KIF16B: variants seen among roughly 807,000 people sequenced by gnomAD.
KIF16B encodes the protein kinesin-like protein KIF16B.
KIF16B carries 98 observed loss-of-function variants against 156.3 expected under a neutral mutation model. The ratio of observed to expected loss-of-function variants is 0.63; its 90% CI spans 0.53 to 0.74. The LOEUF (loss-of-function observed/expected upper bound fraction) is 0.74, where lower values mean the gene tolerates loss of function less well. KIF16B is among the 30% of genes least tolerant of loss of function. The pLI is 0.00. For missense variants in KIF16B, 1,421 were observed against 1,606.5 expected (o/e 0.88, Z 1.97); for synonymous variants, 564 against 583.7 (o/e 0.97, Z 0.49).
intron 1 of KIF16B, among the ~76,000 whole-genome samples, chr20:16,558,494 A>C (rs1433030629): frequency 1.3e-5 from 2 of 152,358 alleles, no homozygotes; most frequent in South Asian, 4.1e-4. Context: ...CCAGAGGTAT[A>C]AAAGAGGCTC....
intron 24 of KIF16B, among the ~76,000 whole-genome samples, chr20:16,313,738 T>A (rs868727628): frequency 6.6e-6 from 1 of 152,232 alleles, no homozygotes; most frequent in Non-Finnish European, 1.5e-5. Flanking sequence ...GTTTGTGAGA[T>A]CCAACCATGT....
intron 12 of KIF16B, among the ~76,000 whole-genome samples, chr20:16,471,902 C>CA (rs746349154): frequency 9.9e-5 from 15 of 152,116 alleles, no homozygotes; most frequent in East Asian, 3.9e-4. Context: ...ACACAAACAC[C>CA]AAAGATAATG....
chr20:16,433,133 T>C (rs2066547578), intron 12 of KIF16B, among the ~76,000 whole-genome samples: 1 of 152,144 alleles, frequency 6.6e-6, no homozygotes, highest in South Asian at 2.1e-4. Flanking sequence ...TAAAGACATA[T>C]ATTACAGGGG....
chr20:16,552,350 G>C (rs17743189), intron 1 of KIF16B, among the ~76,000 whole-genome samples: 1,564 of 152,348 alleles, frequency 0.01, 12 homozygotes, highest in Middle Eastern at 0.017. Context: ...TGAAGCCAGA[G>C]AACTCAAACT....
At chr20:16,545,053 T>C (rs925346104) in intron 1 of KIF16B, among the ~76,000 whole-genome samples, 2 of 152,174 alleles carry the variant, frequency 1.3e-5, no homozygotes, top group Admixed American at 6.5e-5. Flanking sequence ...AAGACAGAAA[T>C]GAAGCTTGTT....
chr20:16,550,533 T>C (rs1325718915), intron 1 of KIF16B, among the ~76,000 whole-genome samples: 1 of 141,998 alleles, frequency 7.0e-6, no homozygotes, highest in Non-Finnish European at 1.5e-5. Flanking sequence ...ACATTCTTTT[T>C]TTTTTTTTTT....
In KIF16B at chr20:16,443,639, T is replaced by C. The variant is rs150923040; in HGVS notation, c.1303-13657A>G. On this transcript the variant is annotated intron_variant, in intron 12 of 25. Coordinates refer to ENST00000354981, the MANE Select transcript of KIF16B (RefSeq NM_024704.5). ...TTTACACAAGTATTCCTGTAATTGA[T>C]ACACTGCACTTTGACATTATTAACA... Among the ~76,000 whole-genome samples the C allele has an allele frequency of 1.4e-3, 212 of 152,320 alleles. 2 individuals carry two copies. The highest frequency in any genetic ancestry group is 4.8e-3 in the African/African-American group (199 of 41,576).
In KIF16B at chr20:16,453,845, C is replaced by A. The variant is rs371330448; in HGVS notation, c.1303-23863G>T. ...GCTGTGGAAAAGCAAAATGGTACAA[C>A]TCTTATGAAATGGAATTTGGCAATA... On this transcript the variant is annotated intron_variant, in intron 12 of 25. Transcript: ENST00000354981. Among the ~76,000 whole-genome samples the A allele has an allele frequency of 1.1e-4, 17 of 152,272 alleles. No individual in the cohort carries two copies. In the South Asian group the frequency reaches 1.5e-3, roughly 13 times the overall value.
chr20:16,469,551 C>T (rs1224156942), intron 12 of KIF16B, among the ~76,000 whole-genome samples: 1 of 147,812 alleles, frequency 6.8e-6, no homozygotes, highest in African/African-American at 2.5e-5. Context: ...ACCTAAACTT[C>T]CACCTTAACT....
At chr20:16,314,094 C>A (rs998106096) in intron 24 of KIF16B, among the ~76,000 whole-genome samples, 10 of 152,208 alleles carry the variant, frequency 6.6e-5, no homozygotes, top group Non-Finnish European at 1.3e-4. Flanking sequence ...TCTTCACCAG[C>A]ACTTGGTACA....
At chr20:16,559,515 C>T (rs1391298281) in intron 1 of KIF16B, among the ~76,000 whole-genome samples, 1 of 152,140 alleles carries the variant, frequency 6.6e-6, no homozygotes, top group Non-Finnish European at 1.5e-5. Context: ...TGCCTGTAAT[C>T]CCCACATGCT....
At chr20:16,463,884 G>A (rs2067416452) in intron 12 of KIF16B, among the ~76,000 whole-genome samples, 1 of 152,084 alleles carries the variant, frequency 6.6e-6, no homozygotes, top group South Asian at 2.1e-4. Context: ...GATCACATTA[G>A]CTTATTGCAT....
Position 16,429,019 on chromosome 20 carries a change from C to T in KIF16B, c.1423-15G>A, listed in dbSNP as rs1420131598. ...GTCTGACCTTCCTGGGAAGAAAACC[C>T]AAGCAAAATGTATTAGTAAGAAGAG... is the stretch of plus-strand genomic sequence containing the variant. On this transcript the variant is annotated splice_polypyrimidine_tract_variant and intron_variant, in intron 13 of 25. Transcript: ENST00000354981. 2 of 1,607,470 alleles carry T rather than the reference C, an allele frequency of 1.2e-6. No homozygotes were observed. Among genetic ancestry groups the T allele is most frequent in the East Asian group, 2.2e-5 (1 of 44,786 alleles).
chr20:16,403,371 G>A (rs1252674635), intron 17 of KIF16B, among the ~76,000 whole-genome samples: 1 of 152,178 alleles, frequency 6.6e-6, no homozygotes, highest in Non-Finnish European at 1.5e-5. Context: ...AGGAATTAAA[G>A]ACCTACAACA....
rs191106867 is a variant in KIF16B at position 16,521,399 on chromosome 20, C to T, written c.231+4693G>A. ...CACAGGTATTAATAGCTGAGTAGACCAAGCAGAAGAAAGGATATCAGAGAT... is the reference window on the plus strand; with the variant it reads ...CACAGGTATTAATAGCTGAGTAGACTAAGCAGAAGAAAGGATATCAGAGAT... On this transcript the variant is annotated intron_variant, in intron 3 of 25. Coordinates refer to ENST00000354981, the MANE Select transcript of KIF16B (RefSeq NM_024704.5). 2.0e-5 allele frequency among the ~76,000 whole-genome samples: 3 copies of T among 151,418 alleles called. No individual in the cohort carries two copies. The East Asian group carries it at 5.9e-4, about 30-fold the overall frequency.
chr20:16,453,320 T>G (rs909388373), intron 12 of KIF16B, among the ~76,000 whole-genome samples: 2 of 151,862 alleles, frequency 1.3e-5, no homozygotes, highest in African/African-American at 4.8e-5. Flanking sequence ...AATGAAAAAA[T>G]TAATTGTACT....
intron 4 of KIF16B, 86 bp from the exon 5 acceptor site, chr20:16,513,009 G>C: frequency 1.1e-6 from 1 of 939,434 alleles, no homozygotes; most frequent in Non-Finnish European, 1.7e-6. Context: ...CATGAAGTTA[G>C]ACTCAAGTGA....
intron 25 of KIF16B, among the ~76,000 whole-genome samples, chr20:16,283,962 G>A (rs2063185064): frequency 6.6e-6 from 1 of 152,154 alleles, no homozygotes; most frequent in Admixed American, 6.5e-5. Flanking sequence ...CCTACATTCA[G>A]TGGCACCCAG....
At chr20:16,408,873 C>T (rs1051561175) in intron 15 of KIF16B, among the ~76,000 whole-genome samples, 6 of 152,050 alleles carry the variant, frequency 3.9e-5, no homozygotes, top group Admixed American at 1.3e-4. Context: ...CAACAAATCT[C>T]GTGAATTTAA....
Sources: gnomAD v4.1 joint callset for allele counts (sites outside exome capture counted in the v4.1 genomes callset) on GRCh38, gnomAD v4.1.1 for gene constraint, MANE v1.5 for transcripts, NCBI Gene and HGNC (gene_info 2026-07-23, HGNC 2026-07-21) for gene names.